Variants in ARHGEF11 observed in about 807,000 individuals in gnomAD.
The protein encoded by ARHGEF11 is Rho guanine nucleotide exchange factor 11, also known as Rho guanine exchange factor (GEF) 11.
ARHGEF11 carries 55 observed loss-of-function variants against 193.7 expected under a neutral mutation model. The ratio of observed to expected loss-of-function variants is 0.28; its 90% CI spans 0.23 to 0.36. ARHGEF11 has a LOEUF of 0.36. Among genes scored for constraint, ARHGEF11 ranks in the 10% least tolerant of loss-of-function variants. The pLI is 1.00. For missense variants in ARHGEF11, 1,723 were observed against 2,005.6 expected (o/e 0.86, Z 2.69); for synonymous variants, 693 against 768.0 (o/e 0.90, Z 1.62).
chr1:156,937,032 G>C, intron 39 of ARHGEF11, 27 bp from the exon 40 acceptor site: 1 of 1,606,842 alleles, frequency 6.2e-7, no homozygotes. Context: ...GGGAATGTCT[G>C]CTCGAGTCCT....
At position 156,961,730 on chromosome 1, in the gene ARHGEF11, C is replaced by T; in HGVS notation, c.1186G>A (p.Asp396Asn). The T allele has an allele frequency of 6.2e-7, 1 of 1,614,200 alleles. No individual in the cohort carries two copies. The highest frequency in any genetic ancestry group is 8.5e-7 in the Non-Finnish European group (1 of 1,180,040). ...ATGTCTTTCCCCAAGCTTCGGGAAT[C>T]CTTGGGGCTTGCCTGCTGATAAACT... ...AEVYQQASPK[D>N]SRSLGKDIWN... Residue 396 changes from aspartate (D) to asparagine (N), a missense_variant, in exon 14 of 41, where the codon GAT (aspartate) becomes AAT (asparagine). By Grantham distance (23) the Asp-to-Asn change is conservative (BLOSUM62 1). Around this residue, in one of 5 missense-constraint regions of ARHGEF11, gnomAD observed 646 missense variants for 710.7 expected, o/e 0.91. Transcript: ENST00000368194.
intron 40 of ARHGEF11, 36 bp from the exon 41 acceptor site, chr1:156,936,094 C>G (rs1655015257): frequency 6.3e-7 from 1 of 1,598,950 alleles, no homozygotes; most frequent in Non-Finnish European, 8.6e-7. Flanking sequence ...AACTGGCCAG[C>G]CTGAGGTGAC....
intron 1 of ARHGEF11, among the ~76,000 whole-genome samples, chr1:157,039,397 A>C (rs780906958): frequency 6.6e-6 from 1 of 152,224 alleles, no homozygotes; most frequent in Non-Finnish European, 1.5e-5. Flanking sequence ...CCAGCTGCTA[A>C]CAAAGCTGGC....
chr1:157,006,233 A>C (rs1307344322), intron 1 of ARHGEF11, among the ~76,000 whole-genome samples: 2 of 152,118 alleles, frequency 1.3e-5, no homozygotes, highest in African/African-American at 4.8e-5. Context: ...TAGACTCCCA[A>C]AGCACTAGGA....
At chr1:157,038,183 C>A (rs987874136) in intron 1 of ARHGEF11, among the ~76,000 whole-genome samples, 5 of 152,092 alleles carry the variant, frequency 3.3e-5, no homozygotes, top group African/African-American at 1.2e-4. Context: ...ACCAGGAGGG[C>A]TGCTAGATTG....
At chr1:156,971,206 G>T (rs1662439231) in intron 8 of ARHGEF11, among the ~76,000 whole-genome samples, 1 of 152,200 alleles carries the variant, frequency 6.6e-6, no homozygotes, top group African/African-American at 2.4e-5. Context: ...ATAAAGTGTG[G>T]TTATCTGCTG....
intron 1 of ARHGEF11, among the ~76,000 whole-genome samples, chr1:157,019,516 C>G (rs532877007): frequency 6.6e-6 from 1 of 152,232 alleles, no homozygotes; most frequent in East Asian, 1.9e-4. Context: ...TATCATATGA[C>G]CCAGCCATTC....
intron 13 of ARHGEF11, among the ~76,000 whole-genome samples, chr1:156,962,898 A>C (rs1045388707): frequency 2.0e-5 from 3 of 150,926 alleles, no homozygotes; most frequent in South Asian, 2.1e-4. Flanking sequence ...AAAAAAAAAA[A>C]AAAAAAAAAA....
At chr1:156,988,084 G>T (rs1665187157) in intron 1 of ARHGEF11, among the ~76,000 whole-genome samples, 1 of 152,226 alleles carries the variant, frequency 6.6e-6, no homozygotes, top group African/African-American at 2.4e-5. Context: ...CTAACAGGAA[G>T]TATAATGCCT....
chr1:157,046,208 A>T (rs1359485956), upstream of ARHGEF11, among the ~76,000 whole-genome samples: 1 of 134,534 alleles, frequency 7.4e-6, no homozygotes, highest in Non-Finnish European at 1.6e-5. Context: ...TGACCCCGCC[A>T]GGCACCGCGC....
At chr1:157,014,393 T>TTC (rs370781187) in intron 1 of ARHGEF11, among the ~76,000 whole-genome samples, 1 of 151,968 alleles carries the variant, frequency 6.6e-6, no homozygotes, top group African/African-American at 2.4e-5. Flanking sequence ...ATTTATTCAA[T>TTC]TCTCTCTCTC....
At chr1:157,046,651 T>G (rs575763832), upstream of ARHGEF11, among the ~76,000 whole-genome samples, 7 of 152,214 alleles carry the variant, frequency 4.6e-5, no homozygotes. Context: ...TTGAACTCTA[T>G]GGAAGAGCCT....
At chr1:156,998,116 C>T (rs1557928521) in intron 1 of ARHGEF11, among the ~76,000 whole-genome samples, 1 of 152,212 alleles carries the variant, frequency 6.6e-6, no homozygotes. Context: ...GACCTCTCTC[C>T]TTGTTCGCTG....
At chr1:156,967,186 G>GT in intron 11 of ARHGEF11, among the ~76,000 whole-genome samples, 1 of 152,264 alleles carries the variant, frequency 6.6e-6, no homozygotes, top group South Asian at 2.1e-4. Context: ...TTAATTTAAG[G>GT]TAATGACAGA....
chr1:157,030,052 C>A (rs1671111045), intron 1 of ARHGEF11, among the ~76,000 whole-genome samples: 1 of 152,008 alleles, frequency 6.6e-6, no homozygotes, highest in African/African-American at 2.4e-5. Flanking sequence ...ATTAAAATGT[C>A]CTAAAATTAG....
intron 4 of ARHGEF11, among the ~76,000 whole-genome samples, 195 bp downstream of exon 4, chr1:156,980,242 T>C (rs939931630): frequency 2.6e-5 from 4 of 152,216 alleles, no homozygotes; most frequent in Non-Finnish European, 5.9e-5. Flanking sequence ...GCCTAAAATG[T>C]AGAACACAGC....
chr1:157,000,148 A>T (rs1419392611), intron 1 of ARHGEF11, among the ~76,000 whole-genome samples: 1 of 152,182 alleles, frequency 6.6e-6, no homozygotes, highest in Non-Finnish European at 1.5e-5. Context: ...GTTTTAGTAA[A>T]GATGGCGTTT....
intron 1 of ARHGEF11, among the ~76,000 whole-genome samples, chr1:156,988,408 G>A (rs1665238943): frequency 6.6e-6 from 1 of 152,084 alleles, no homozygotes; most frequent in Non-Finnish European, 1.5e-5. Context: ...TATTCTCTAT[G>A]ACTGCACAGG....
chr1:156,999,527 C>T (rs564884177), intron 1 of ARHGEF11, among the ~76,000 whole-genome samples: 1 of 152,244 alleles, frequency 6.6e-6, no homozygotes, highest in South Asian at 2.1e-4. Context: ...GAAAGATTCT[C>T]TCTAAAGAAT....
Sources: gnomAD v4.1 joint callset for allele counts (sites outside exome capture counted in the v4.1 genomes callset) on GRCh38, gnomAD v4.1.1 for gene constraint, gnomAD v4.1.1 regional missense constraint, MANE v1.5 for transcripts, NCBI Gene and HGNC (gene_info 2026-07-23, HGNC 2026-07-21) for gene names.